SUPT6H: variants seen among roughly 807,000 people sequenced by gnomAD.
SUPT6H encodes the protein SPT6 homolog, histone chaperone and transcription elongation factor, also known as transcription elongation factor SPT6.
Under a neutral mutation model 222.3 loss-of-function variants are expected in SUPT6H, and 11 were observed. The ratio of observed to expected loss-of-function variants is 0.05; its 90% confidence interval spans 0.03 to 0.08. The LOEUF is 0.08. Ranked by LOEUF, SUPT6H falls within the 10% of genes least tolerant of loss-of-function variation. The pLI, the probability that SUPT6H is intolerant of heterozygous loss-of-function variation, is 1.00. For missense variants in SUPT6H, 1,422 were observed against 2,216.0 expected (o/e 0.64, Z 7.19); for synonymous variants, 762 against 801.2 (o/e 0.95, Z 0.83).
chr17:28,683,855 T>TTTGA, intron 17 of SUPT6H, 39 bp downstream of exon 17: 1 of 1,459,686 alleles, frequency 6.9e-7, no homozygotes, highest in Non-Finnish European at 9.3e-7. Flanking sequence ...TTTTTTTTGG[T>TTTGA]GACAGAGTCT....
intron 28 of SUPT6H, among the ~76,000 whole-genome samples, chr17:28,694,470 G>T (rs2031808464): frequency 6.6e-6 from 1 of 152,178 alleles, no homozygotes; most frequent in South Asian, 2.1e-4. Context: ...GAATCACCCA[G>T]TTAGTGATAT....
Position 28,699,820 on chromosome 17 carries a change from C to T in SUPT6H, c.4488C>T (p.Tyr1496=). 1 of 1,614,196 alleles carries T rather than the reference C, an allele frequency of 6.2e-7. No individual in the cohort carries two copies. Among genetic ancestry groups the T allele is most frequent in the Non-Finnish European group, 8.5e-7 (1 of 1,180,030 alleles). The stretch of plus-strand genomic sequence containing the variant: ...CGGTGACTCCAGAGGGATTCCGGTA[C>T]CGGGGCCAGATCTTCCCAACCGTGA... ...YVTVTPEGFR[Y]RGQIFPTVNG... The change falls in exon 33 of 37, where the codon TAC becomes TAT. Residue 1496 remains tyrosine, a synonymous_variant. Transcript: ENST00000314616.
Position 28,701,971 on chromosome 17 carries a change from T to G in SUPT6H, c.*346T>G. The G allele has an allele frequency of 4.6e-6, 1 of 216,828 alleles. No homozygotes were observed. The highest frequency in any genetic ancestry group is 9.2e-6 in the Non-Finnish European group (1 of 108,834). 13.4% of individuals were successfully genotyped at this position (216,828 alleles called of 1,614,324 possible). On this transcript the variant is annotated 3_prime_UTR_variant, in exon 37 of 37. Transcript: ENST00000314616. ...TTGAACTTCTGCCCTCACCGGACTC[T>G]GGGCTGTGACTGGGGCACCAAACTC...
chr17:28,675,067 A>C lies in SUPT6H; in HGVS notation c.443A>C (p.Glu148Ala), dbSNP rs1429609235. ...EEHEKEAIAE[E>A]IFQDGEGEEG... ...CATGAAAAAGAAGCTATTGCGGAAG[A>C]AATCTTCCAGGATGGGGAAGGGGAA... Residue 148 changes from glutamate to alanine, a missense_variant, in exon 5 of 37, where the codon GAA becomes GCA. Physicochemically the swap from Glu to Ala is moderately radical, Grantham distance 107. Around this residue, in one of 13 missense-constraint regions of SUPT6H, gnomAD observed 389 missense variants for 544.6 expected, o/e 0.71. Transcript: ENST00000314616. 7 of 1,614,160 alleles carry C rather than the reference A, an allele frequency of 4.3e-6. No individual in the cohort carries two copies. Among genetic ancestry groups the C allele is most frequent in the Non-Finnish European group, 5.9e-6 (7 of 1,180,018 alleles).
chr17:28,669,125 T>C (rs1397562998), intron 1 of SUPT6H, among the ~76,000 whole-genome samples: 1 of 152,264 alleles, frequency 6.6e-6, no homozygotes, highest in Non-Finnish European at 1.5e-5. Flanking sequence ...CAGTGAGACA[T>C]TTAAAAATAT....
chr17:28,676,545 C>T, intron 7 of SUPT6H, 115 bp downstream of exon 7: 1 of 1,473,612 alleles, frequency 6.8e-7, no homozygotes, highest in Non-Finnish European at 9.1e-7. Flanking sequence ...CCTCATCTCA[C>T]CTGGGGCCTG....
Position 28,701,964 on chromosome 17 carries a change from C to T in SUPT6H, c.*339C>T, listed in dbSNP as rs116694692. ...AGCCATTTTGAACTTCTGCCCTCACCGGACTCTGGGCTGTGACTGGGGCAC... is the reference window on the plus strand; with the variant it reads ...AGCCATTTTGAACTTCTGCCCTCACTGGACTCTGGGCTGTGACTGGGGCAC... On this transcript the variant is annotated 3_prime_UTR_variant, in exon 37 of 37. Transcript: ENST00000314616. 1.1e-3 allele frequency: 262 copies of T among 230,876 alleles called. 1 individual carries two copies. The highest frequency in any genetic ancestry group is 5.5e-3 in the African/African-American group (247 of 44,936). The allele number at this position is 230,876 out of a possible 1,614,324, so 14.3% of individuals were successfully genotyped here.
At chr17:28,672,365 A>G (rs1447345852) in intron 1 of SUPT6H, among the ~76,000 whole-genome samples, 1 of 152,176 alleles carries the variant, frequency 6.6e-6, no homozygotes, top group Non-Finnish European at 1.5e-5. Context: ...GAGAGATGAT[A>G]CATATACAAG....
chr17:28,699,677 C>A, intron 32 of SUPT6H, 104 bp from the exon 33 acceptor site: 2 of 939,002 alleles, frequency 2.1e-6, no homozygotes, highest in Non-Finnish European at 1.8e-6. Context: ...TCTCCTTTCC[C>A]CTAGCACCCA....
intron 16 of SUPT6H, 95 bp from the exon 17 acceptor site, chr17:28,683,526 G>T: frequency 6.3e-7 from 1 of 1,582,660 alleles, no homozygotes; most frequent in Non-Finnish European, 8.6e-7. Context: ...TCAGAGTTGA[G>T]CAGGCTGTTG....
intron 20 of SUPT6H, 68 bp downstream of exon 20, chr17:28,686,483 G>C (rs1567697739): frequency 1.2e-5 from 19 of 1,575,624 alleles, no homozygotes; most frequent in Non-Finnish European, 1.7e-5. Context: ...ATTGAGTCTG[G>C]CATATGCCCA....
intron 6 of SUPT6H, 45 bp from the exon 7 acceptor site, chr17:28,676,112 C>T: frequency 6.5e-7 from 1 of 1,539,102 alleles, no homozygotes; most frequent in Non-Finnish European, 8.7e-7. Flanking sequence ...CATTTCTCTC[C>T]TCTCACCTGA....
Position 28,677,797 on chromosome 17 carries a change from C to T in SUPT6H, c.980C>T (p.Thr327Ile). 1.2e-6 allele frequency: 2 copies of T among 1,614,174 alleles called. No individual in the cohort carries two copies. Among genetic ancestry groups the T allele is most frequent in the Non-Finnish European group, 1.7e-6 (2 of 1,179,988 alleles). Residue 327 changes from threonine to isoleucine, a missense_variant, in exon 8 of 37, where the codon ACA (threonine) becomes ATA (isoleucine). Transcript: ENST00000314616. ...TGGATCTACAGGAATGCTTTTGCCA[C>T]ACCAACCATTTCTCTCCAGGTACAC... is the stretch of plus-strand genomic sequence containing the variant. ...ADWIYRNAFA[T>I]PTISLQESCD...
At chr17:28,667,370 CAAAAAAAAAAAA>C (rs546020183) in intron 1 of SUPT6H, among the ~76,000 whole-genome samples, 2 of 6,236 alleles carry the variant, frequency 3.2e-4, no homozygotes, top group South Asian at 0.01. Flanking sequence ...GACTCCGTCT[CAAAAAAAAAAAA>C]AAAAAAAAAA....
At chr17:28,686,975 A>G (rs2031414694) in intron 21 of SUPT6H, 113 bp from the exon 22 acceptor site, 1 of 1,519,784 alleles carries the variant, frequency 6.6e-7, no homozygotes, top group African/African-American at 1.4e-5. Flanking sequence ...GGTCTCAGGA[A>G]AAAAGATCCC....
At chr17:28,671,031 C>G (rs1374773818) in intron 1 of SUPT6H, 3 of 152,194 alleles carry the variant, frequency 2.0e-5, no homozygotes, top group Non-Finnish European at 4.4e-5. Flanking sequence ...CCCCTCCCTC[C>G]TATACCTTCA....
intron 29 of SUPT6H, among the ~76,000 whole-genome samples, chr17:28,695,779 T>C (rs2031876327): frequency 6.6e-6 from 1 of 152,206 alleles, no homozygotes; most frequent in African/African-American, 2.4e-5. Context: ...GCCTCATTCT[T>C]TCAGTGTCCT....
intron 30 of SUPT6H, 41 bp from the exon 31 acceptor site, chr17:28,697,579 C>G: frequency 6.5e-7 from 1 of 1,527,340 alleles, no homozygotes; most frequent in African/African-American, 1.4e-5. Flanking sequence ...AGAATCTCAG[C>G]TCTGGATATG....
At chr17:28,700,097 GC>G (rs1597723179) in intron 33 of SUPT6H, 75 bp from the exon 34 acceptor site, 1 of 1,597,500 alleles carries the variant, frequency 6.3e-7, no homozygotes, top group African/African-American at 1.3e-5. Context: ...CTACTTCAGT[GC>G]CCCTTCCACC....
Sources: allele counts gnomAD v4.1 joint callset (sites outside exome capture counted in the v4.1 genomes callset), GRCh38; gene constraint gnomAD v4.1.1; regional missense constraint gnomAD v4.1.1; transcripts MANE v1.5; gene names NCBI Gene and HGNC (gene_info 2026-07-23, HGNC 2026-07-21).